The following ZNF248 variants were observed in gnomAD, a reference collection of about 807,000 sequenced individuals.
The protein encoded by ZNF248 is KRAB protein domain.
A neutral mutation model predicts 44.3 loss-of-function variants in ZNF248; 20 were observed. That is an observed-to-expected ratio of 0.45 (90% confidence interval 0.32 to 0.66). The LOEUF is 0.66. Among genes scored for constraint, ZNF248 ranks in the 30% least tolerant of loss-of-function variants. The probability of loss-of-function intolerance (pLI) is 0.04; values close to 1 mark genes in which losing one functional copy is unlikely to be tolerated. For synonymous variants in ZNF248, 224 were observed against 229.0 expected (o/e 0.98, Z 0.20); for missense variants, 654 against 677.0 (o/e 0.97, Z 0.38).
chr10:37,804,472 C>CA (rs747277079), intron 6 of ZNF248, among the ~76,000 whole-genome samples: 2 of 152,098 alleles, frequency 1.3e-5, no homozygotes, highest in Non-Finnish European at 2.9e-5. Flanking sequence ...CTCACTCTGT[C>CA]ACCCAGACTG....
chr10:37,835,029 AAAAAG>A (rs951544232), intron 5 of ZNF248, among the ~76,000 whole-genome samples: 86 of 152,250 alleles, frequency 5.6e-4, no homozygotes, highest in Admixed American at 3.9e-3. Flanking sequence ...TTAAAACTAA[AAAAAG>A]AAAAGAAAAG....
chr10:37,844,874 G>A (rs1390503084), intron 3 of ZNF248, among the ~76,000 whole-genome samples: 9 of 145,270 alleles, frequency 6.2e-5, no homozygotes, highest in East Asian at 6.2e-4. Flanking sequence ...TCTTAGAAAC[G>A]ACTTTAACTA....
chr10:37,790,346 G>A (rs918571378), intron 6 of ZNF248, among the ~76,000 whole-genome samples: 4 of 151,930 alleles, frequency 2.6e-5, no homozygotes, highest in African/African-American at 9.7e-5. Context: ...TTGGGAGGCT[G>A]AGGCTGGAAA....
chr10:37,769,050 C>G, the ZNF248 span, among the ~76,000 whole-genome samples: 5 of 152,272 alleles, frequency 3.3e-5, no homozygotes, highest in African/African-American at 1.2e-4. Context: ...TCGACACATA[C>G]ACTCTCCCAA....
rs369369110 is a variant in ZNF248 at position 37,812,318 on chromosome 10, G to GA, written c.330+20706dup. On this transcript the variant is annotated intron_variant, in intron 6 of 6. Transcript: ENST00000615949. ...TTAATGTAGACAAAAGTGTCTTTGG[G>GA]AAAAAAAAAAGTGCCACAAAGGACA... Among the ~76,000 whole-genome samples, 981 of 148,206 alleles carry GA rather than the reference G, an allele frequency of 6.6e-3. 10 individuals are homozygous for GA. The highest frequency in any genetic ancestry group is 0.022 in the African/African-American group (909 of 40,486).
chr10:37,830,335 A>C lies in ZNF248; in HGVS notation c.*1280T>G. On this transcript the variant is annotated 3_prime_UTR_variant, in exon 6 of 6. Transcript: ENST00000395867. ...TGATAGTTCAATAATGGCCATATTC[A>C]TGCATATATGCCAGGAAACAGTCAG... is the stretch of plus-strand genomic sequence containing the variant. The C allele has an allele frequency of 1.0e-6, 1 of 985,408 alleles. No homozygotes were observed. Among genetic ancestry groups the C allele is most frequent in the Non-Finnish European group, 1.2e-6 (1 of 829,924 alleles). The allele number at this position is 985,408 out of a possible 1,614,324, so 61.0% of individuals were successfully genotyped here. A position where few individuals can be genotyped will look rare whatever the true frequency, so the allele number is the denominator to read the frequency against.
intron 6 of ZNF248, among the ~76,000 whole-genome samples, chr10:37,810,534 G>A (rs2051324996): frequency 6.6e-6 from 1 of 151,954 alleles, no homozygotes. Flanking sequence ...TGTTATATAT[G>A]GAGTTTTTCC....
intron 3 of ZNF248, among the ~76,000 whole-genome samples, chr10:37,841,857 G>C (rs2058408801): frequency 6.6e-6 from 1 of 152,130 alleles, no homozygotes. Flanking sequence ...TATCAACTGA[G>C]GGACATTCTA....
At chr10:37,837,572 T>A (rs767546182) in intron 5 of ZNF248, 45 bp downstream of exon 5, 3 of 1,524,426 alleles carry the variant, frequency 2.0e-6, no homozygotes, top group African/African-American at 2.8e-5. Context: ...ATTACCTAAG[T>A]TCTAATTTCC....
At chr10:37,838,245 A>C (rs2057638968) in intron 3 of ZNF248, 134 bp from the exon 4 acceptor site, 2 of 679,824 alleles carry the variant, frequency 2.9e-6, no homozygotes, top group African/African-American at 3.6e-5. Context: ...ACTATACAGA[A>C]TACAAAATAT....
Position 37,830,637 on chromosome 10 carries a change from G to A in ZNF248, c.*978C>T. 1 of 977,028 alleles carries A rather than the reference G, an allele frequency of 1.0e-6. No individual in the cohort carries two copies. Among genetic ancestry groups the A allele is most frequent in the Non-Finnish European group, 1.2e-6 (1 of 822,238 alleles). 60.5% of individuals were successfully genotyped at this position (977,028 alleles called of 1,614,324 possible). ...AGTGATGTGCTGTAAATATTTGACA[G>A]CAGGTTCTCTGAGAAAATTAAAACC... On this transcript the variant is annotated 3_prime_UTR_variant, in exon 6 of 6. Coordinates refer to ENST00000395867, the MANE Select transcript of ZNF248 (RefSeq NM_021045.3).
chr10:37,836,339 A>G (rs1259212328), intron 5 of ZNF248, among the ~76,000 whole-genome samples: 1 of 152,148 alleles, frequency 6.6e-6, no homozygotes, highest in Non-Finnish European at 1.5e-5. Context: ...CATTTACTCA[A>G]AACAGTTTCT....
intron 6 of ZNF248, among the ~76,000 whole-genome samples, chr10:37,801,978 A>G (rs1019384531): frequency 1.3e-5 from 2 of 152,198 alleles, no homozygotes; most frequent in Non-Finnish European, 2.9e-5. Flanking sequence ...CAGAAAGATC[A>G]GAGGATTTTT....
chr10:37,794,101 T>C (rs2048869986), intron 6 of ZNF248, among the ~76,000 whole-genome samples: 2 of 152,224 alleles, frequency 1.3e-5, no homozygotes, highest in Admixed American at 6.5e-5. Flanking sequence ...TTCTCTCATA[T>C]ATAATGAGTT....
the ZNF248 span, among the ~76,000 whole-genome samples, chr10:37,764,333 G>A: frequency 3.3e-5 from 5 of 152,118 alleles, no homozygotes; most frequent in Admixed American, 6.6e-5. Context: ...TGGTCAGACC[G>A]GTTGTCTGCT....
At chr10:37,835,844 C>T (rs1260989425) in intron 5 of ZNF248, among the ~76,000 whole-genome samples, 2 of 152,168 alleles carry the variant, frequency 1.3e-5, no homozygotes, top group African/African-American at 2.4e-5. Flanking sequence ...TAAGTTGATG[C>T]CTTTCAAATG....
the ZNF248 span, among the ~76,000 whole-genome samples, chr10:37,765,669 A>G: frequency 6.6e-6 from 1 of 152,370 alleles, no homozygotes; most frequent in South Asian, 2.1e-4. Flanking sequence ...GAATAGGAAC[A>G]GCTCTGGTCT....
At chr10:37,804,884 T>G (rs548302682) in intron 6 of ZNF248, among the ~76,000 whole-genome samples, 76 of 152,342 alleles carry the variant, frequency 5.0e-4, no homozygotes, top group African/African-American at 1.8e-3. Context: ...TAAATAATTG[T>G]ATAATGATAA....
chr10:37,837,445 G>A (rs2057453232), intron 5 of ZNF248, among the ~76,000 whole-genome samples, 172 bp downstream of exon 5: 2 of 152,158 alleles, frequency 1.3e-5, no homozygotes, highest in South Asian at 4.1e-4. Flanking sequence ...AATAACATAT[G>A]GAGGAGTGAT....
Sources: allele counts gnomAD v4.1 joint callset (sites outside exome capture counted in the v4.1 genomes callset), GRCh38; gene constraint gnomAD v4.1.1; transcripts MANE v1.5; gene names NCBI Gene and HGNC (gene_info 2026-07-23, HGNC 2026-07-21).